The following FKBP5 variants were observed in gnomAD, a reference collection of about 807,000 sequenced individuals.
The protein encoded by FKBP5 is FKBP prolyl isomerase 5, also known as peptidyl-prolyl cis-trans isomerase FKBP5.
A neutral mutation model predicts 50.5 loss-of-function variants in FKBP5; 23 were observed. The ratio of observed to expected loss-of-function variants is 0.46; its 90% CI spans 0.33 to 0.65. FKBP5 has a LOEUF of 0.65. Among genes scored for constraint, FKBP5 ranks in the 30% least tolerant of loss-of-function variants. The pLI, the probability that FKBP5 is intolerant of heterozygous loss-of-function variation, is 0.02. For missense variants in FKBP5, 411 were observed against 553.1 expected (o/e 0.74, Z 2.58); for synonymous variants, 176 against 190.6 (o/e 0.92, Z 0.63).
chr6:35,712,827 G>A lies in FKBP5; in HGVS notation c.-20+7501C>T, dbSNP rs75166219. 8.5e-3 allele frequency among the ~76,000 whole-genome samples: 1,294 copies of A among 152,222 alleles called. 13 individuals are homozygous for A. The highest frequency in any genetic ancestry group is 0.02 in the Middle Eastern group (6 of 294). On this transcript the variant is annotated intron_variant, in intron 2 of 11. Coordinates refer to the FKBP5 transcript ENST00000536438. Reference sequence around the variant, plus strand: ...GCTGACCCTAGAACTGAAGCTGGCCGTGTGGCCTGGGCACTCCCCAAAACT... The same window carrying A: ...GCTGACCCTAGAACTGAAGCTGGCCATGTGGCCTGGGCACTCCCCAAAACT...
Position 35,710,629 on chromosome 6 carries a change from C to T in FKBP5, c.-20+9699G>A, listed in dbSNP as rs910275095. On this transcript the variant is annotated intron_variant, in intron 2 of 11. Coordinates refer to the FKBP5 transcript ENST00000536438. Reference sequence around the variant, plus strand: ...GTTAAGCATACACACATTTGCCATACGACTCAGCAATTCTGCTCCCAAGAC... The same window carrying T: ...GTTAAGCATACACACATTTGCCATATGACTCAGCAATTCTGCTCCCAAGAC... Among the ~76,000 whole-genome samples the T allele has an allele frequency of 8.5e-5, 13 of 152,290 alleles. No individual in the cohort carries two copies. The East Asian group carries it at 1.5e-3, about 18-fold the overall frequency.
intron 3 of FKBP5, among the ~76,000 whole-genome samples, chr6:35,636,705 G>C (rs1409084758): frequency 6.6e-6 from 1 of 152,184 alleles, no homozygotes; most frequent in Admixed American, 6.5e-5. Flanking sequence ...TGGAACAGCT[G>C]GTTACCACTG....
intron 1 of FKBP5, among the ~76,000 whole-genome samples, chr6:35,665,289 T>G (rs1581864474): frequency 6.9e-6 from 1 of 144,192 alleles, no homozygotes; most frequent in South Asian, 2.2e-4. Flanking sequence ...TAGTAAATGC[T>G]CCTCTTTTTT....
intron 1 of FKBP5, among the ~76,000 whole-genome samples, chr6:35,666,294 C>T (rs766729734): frequency 4.0e-5 from 6 of 149,382 alleles, no homozygotes; most frequent in Non-Finnish European, 8.9e-5. Flanking sequence ...AGTTTATGTG[C>T]AAATATCCTT....
chr6:35,658,975 G>A lies in FKBP5; in HGVS notation c.-19-16132C>T, dbSNP rs1239207818. On this transcript the variant is annotated intron_variant, in intron 1 of 10. Coordinates refer to ENST00000357266, the MANE Select transcript of FKBP5 (RefSeq NM_004117.4). ...TAGTCCCAGCTACTCAGAGGCTGAG[G>A]TGGGAAGACGGCTTGAGCCCAGGAG... Among the ~76,000 whole-genome samples the A allele has an allele frequency of 2.4e-5, 2 of 83,644 alleles. 1 individual carries two copies. Among genetic ancestry groups the A allele is most frequent in the African/African-American group, 7.4e-5 (2 of 26,978 alleles). The allele number at this position is 83,644 out of a possible 152,430, so 54.9% of individuals were successfully genotyped here.
intron 1 of FKBP5, among the ~76,000 whole-genome samples, chr6:35,723,657 G>A (rs905573536): frequency 7.9e-5 from 12 of 152,220 alleles, no homozygotes; most frequent in Admixed American, 5.9e-4. Context: ...AGAGAAAGAA[G>A]AAGGTCAGAA....
intron 2 of FKBP5, among the ~76,000 whole-genome samples, chr6:35,700,836 G>A (rs967273131): frequency 3.9e-5 from 6 of 152,074 alleles, no homozygotes; most frequent in African/African-American, 1.4e-4. Flanking sequence ...GTGCACACCT[G>A]TAATCCCAGC....
chr6:35,619,202 G>A lies in FKBP5; in HGVS notation c.402C>T (p.Leu134=), dbSNP rs761902721. 4 of 1,610,744 alleles carry A rather than the reference G, an allele frequency of 2.5e-6. No individual in the cohort carries two copies. Among genetic ancestry groups the A allele is most frequent in the Non-Finnish European group, 1.7e-6 (2 of 1,177,268 alleles). The stretch of plus-strand genomic sequence containing the variant: ...ATAAATCCTCTCCTTTGAAATCAAG[G>A]AGCTCAATCTAGAAAGAAAAAAGGA... The part of the protein sequence containing the change: ...SNATLFFEIE[L]LDFKGEDLFE... The change falls in exon 5 of 11, where the codon CTC becomes CTT. Residue 134 remains leucine, a synonymous_variant. Transcript: ENST00000357266.
At chr6:35,647,891 A>G (rs11966021) in intron 1 of FKBP5, among the ~76,000 whole-genome samples, 1,779 of 152,356 alleles carry the variant, frequency 0.012, 37 homozygotes, top group African/African-American at 0.038. Context: ...AAGTCTTTGC[A>G]GAATCTCCAG....
intron 1 of FKBP5, among the ~76,000 whole-genome samples, chr6:35,726,460 G>A (rs966354035): frequency 6.6e-6 from 1 of 151,740 alleles, no homozygotes; most frequent in Non-Finnish European, 1.5e-5. Flanking sequence ...TGCATGTGAA[G>A]TGCCTAGCGT....
chr6:35,613,900 CT>C (rs1057421238), intron 5 of FKBP5, among the ~76,000 whole-genome samples: 9 of 152,088 alleles, frequency 5.9e-5, no homozygotes, highest in Non-Finnish European at 1.2e-4. Flanking sequence ...TTCTTTCTCT[CT>C]TTTTTTCAAA....
At chr6:35,688,318 C>A (rs1431147463) in intron 1 of FKBP5, among the ~76,000 whole-genome samples, 4 of 152,132 alleles carry the variant, frequency 2.6e-5, no homozygotes, top group East Asian at 1.9e-4. Flanking sequence ...GTTGTCCCGG[C>A]GCCCGGACCC....
intron 3 of FKBP5, among the ~76,000 whole-genome samples, chr6:35,622,005 T>C (rs1159137361): frequency 6.6e-6 from 1 of 151,748 alleles, no homozygotes; most frequent in Non-Finnish European, 1.5e-5. Context: ...AACAAAAATG[T>C]AAGTATTCAA....
intron 5 of FKBP5, among the ~76,000 whole-genome samples, chr6:35,617,437 T>C (rs773451151): frequency 9.2e-5 from 14 of 152,120 alleles, no homozygotes; most frequent in Non-Finnish European, 1.9e-4. Flanking sequence ...CTAGTGATCC[T>C]CCTATCTCAG....
intron 1 of FKBP5, among the ~76,000 whole-genome samples, chr6:35,648,433 G>A (rs370267429): frequency 6.9e-6 from 1 of 144,280 alleles, no homozygotes; most frequent in Non-Finnish European, 1.5e-5. Flanking sequence ...CACACCTAAT[G>A]TTTTTTTTTT....
intron 1 of FKBP5, among the ~76,000 whole-genome samples, chr6:35,723,741 G>A (rs1213831734): frequency 1.3e-5 from 2 of 152,292 alleles, no homozygotes; most frequent in South Asian, 4.1e-4. Flanking sequence ...AATACATTAC[G>A]TCTGGGGTCC....
chr6:35,663,775 C>T (rs896712275), intron 1 of FKBP5, among the ~76,000 whole-genome samples: 10 of 152,212 alleles, frequency 6.6e-5, no homozygotes, highest in Admixed American at 2.6e-4. Flanking sequence ...TTACTGTTAC[C>T]GGAAATAAAA....
At chr6:35,636,909 C>A in intron 3 of FKBP5, 105 bp downstream of exon 3, 1 of 1,069,036 alleles carries the variant, frequency 9.4e-7, no homozygotes, top group Non-Finnish European at 1.3e-6. Context: ...AGTACTACTA[C>A]TCTAAAATTT....
intron 9 of FKBP5, among the ~76,000 whole-genome samples, chr6:35,578,530 A>G (rs1486020540): frequency 1.3e-5 from 2 of 152,156 alleles, no homozygotes; most frequent in African/African-American, 4.8e-5. Flanking sequence ...GCACTTTGGG[A>G]AGCTGAGGTG....
Sources: gnomAD v4.1 joint callset for allele counts (sites outside exome capture counted in the v4.1 genomes callset) on GRCh38, gnomAD v4.1.1 for gene constraint, MANE v1.5 for transcripts, NCBI Gene and HGNC (gene_info 2026-07-23, HGNC 2026-07-21) for gene names.